DENND1B: variants seen among roughly 807,000 people sequenced by gnomAD.
DENND1B encodes DENN domain-containing protein 1B.
Under a neutral mutation model 90.1 loss-of-function variants are expected in DENND1B, and 59 were observed. That is an observed-to-expected ratio of 0.65 (90% CI 0.53 to 0.81). DENND1B has a LOEUF of 0.81. Among genes scored for constraint, DENND1B ranks in the 40% least tolerant of loss-of-function variants. DENND1B has a pLI of 0.00. For synonymous variants in DENND1B, 337 were observed against 324.6 expected, an observed-to-expected ratio of 1.04 and a Z score of -0.41; for missense variants, 862 against 912.6, an observed-to-expected ratio of 0.94 and a Z score of 0.71.
At chr1:197,747,306 G>C in intron 2 of DENND1B, 1 of 595,496 alleles carries the variant, frequency 1.7e-6, no homozygotes, top group Non-Finnish European at 3.1e-6. Flanking sequence ...CATCTATCGA[G>C]AATCTATGAT....
At chr1:197,569,590 ACACAC>A (rs1191305354) in intron 15 of DENND1B, among the ~76,000 whole-genome samples, 128 of 151,744 alleles carry the variant, frequency 8.4e-4, no homozygotes, top group African/African-American at 3.0e-3. Context: ...ACACACACAC[ACACAC>A]AATGGAACAC....
At chr1:197,614,646 CT>C (rs543331924) in intron 11 of DENND1B, among the ~76,000 whole-genome samples, 2 of 150,052 alleles carry the variant, frequency 1.3e-5, no homozygotes, top group Non-Finnish European at 3.0e-5. Context: ...TTAAGAATAG[CT>C]TTTTTTTTCT....
At chr1:197,629,151 AT>A (rs1679082955) in intron 10 of DENND1B, among the ~76,000 whole-genome samples, 1 of 152,148 alleles carries the variant, frequency 6.6e-6, no homozygotes, top group Non-Finnish European at 1.5e-5. Flanking sequence ...CAGAAATACC[AT>A]TTGACCCAGC....
intron 2 of DENND1B, among the ~76,000 whole-genome samples, chr1:197,752,861 C>T (rs1202176697): frequency 6.6e-6 from 1 of 151,946 alleles, no homozygotes; most frequent in East Asian, 1.9e-4. Context: ...GTTCAGTTCA[C>T]TCTATGAGTG....
rs375299325 is a variant in DENND1B, at chr1:197,514,721, TG to T, written c.1516-1769del. Among the ~76,000 whole-genome samples the T allele has an allele frequency of 1.6e-3, 239 of 151,676 alleles. 2 individuals are homozygous for T. Among genetic ancestry groups the T allele is most frequent in the South Asian group, 1.4e-3 (7 of 4,828 alleles). ...ATGTTTGAAATTTTCAAAATAAAGTTGTTTTTTTTTAATGGCCCCATCTGTT... is the reference window on the plus strand; with the variant it reads ...ATGTTTGAAATTTTCAAAATAAAGTTTTTTTTTTTAATGGCCCCATCTGTT... On this transcript the variant is annotated intron_variant, in intron 20 of 22. Transcript: ENST00000620048.
At chr1:197,770,487 G>A (rs1656292303) in intron 2 of DENND1B, among the ~76,000 whole-genome samples, 1 of 151,680 alleles carries the variant, frequency 6.6e-6, no homozygotes, top group South Asian at 2.1e-4. Context: ...TCTGACACAT[G>A]CATAGATTGG....
At chr1:197,537,043 A>AG (rs1669963716) in intron 20 of DENND1B, among the ~76,000 whole-genome samples, 1 of 113,814 alleles carries the variant, frequency 8.8e-6, no homozygotes, top group Admixed American at 9.2e-5. Flanking sequence ...TCCGTCTCAG[A>AG]GAAAAAAAAA....
At chr1:197,674,028 G>A in intron 4 of DENND1B, 92 bp downstream of exon 4, 1 of 890,824 alleles carries the variant, frequency 1.1e-6, no homozygotes. Flanking sequence ...TAAAGAGAAG[G>A]GACATTTTAT....
chr1:197,746,959 C>T (rs1222899749), intron 2 of DENND1B: 6 of 1,183,226 alleles, frequency 5.1e-6, no homozygotes, highest in Non-Finnish European at 7.6e-6. Context: ...CTCAATATTC[C>T]ACCCCTCCAC....
intron 12 of DENND1B, among the ~76,000 whole-genome samples, chr1:197,608,587 T>G (rs1381457028): frequency 1.3e-5 from 2 of 150,682 alleles, no homozygotes; most frequent in Non-Finnish European, 3.0e-5. Flanking sequence ...AAACATGTCA[T>G]AATTTTGATT....
At chr1:197,588,026 G>A (rs930078679) in intron 14 of DENND1B, among the ~76,000 whole-genome samples, 4 of 152,084 alleles carry the variant, frequency 2.6e-5, no homozygotes, top group South Asian at 2.1e-4. Context: ...TGAGCCATGG[G>A]GAGCGGCTGT....
intron 7 of DENND1B, among the ~76,000 whole-genome samples, chr1:197,647,903 C>T (rs951561614): frequency 6.7e-6 from 1 of 148,694 alleles, no homozygotes; most frequent in African/African-American, 2.5e-5. Flanking sequence ...GCTGAGATCA[C>T]GCCATTGTTT....
intron 18 of DENND1B, among the ~76,000 whole-genome samples, chr1:197,543,116 A>T (rs1571808708): frequency 6.6e-6 from 1 of 151,864 alleles, no homozygotes; most frequent in Non-Finnish European, 1.5e-5. Context: ...TGTATTTTCA[A>T]TAGAGATGGG....
intron 3 of DENND1B, among the ~76,000 whole-genome samples, chr1:197,701,361 T>C (rs1056385398): frequency 8.5e-5 from 13 of 152,124 alleles, no homozygotes; most frequent in African/African-American, 3.1e-4. Context: ...TTCTCACTTA[T>C]AAGTGGGAGT....
chr1:197,515,810 T>C (rs1668355414), intron 20 of DENND1B, among the ~76,000 whole-genome samples: 1 of 151,744 alleles, frequency 6.6e-6, no homozygotes, highest in South Asian at 2.1e-4. Flanking sequence ...AAGAGAAGTA[T>C]ATAATTTGCC....
intron 15 of DENND1B, among the ~76,000 whole-genome samples, chr1:197,560,661 C>T (rs1672086177): frequency 6.6e-6 from 1 of 151,724 alleles, no homozygotes; most frequent in African/African-American, 2.4e-5. Context: ...TGGCAGGCTC[C>T]ATGTATCAGG....
chr1:197,767,323 T>G (rs543381832), intron 2 of DENND1B, among the ~76,000 whole-genome samples: 6 of 152,088 alleles, frequency 3.9e-5, no homozygotes, highest in African/African-American at 1.2e-4. Context: ...TAGAGTCTAG[T>G]GTAGATAGTA....
At chr1:197,643,602 G>A (rs1371440877) in intron 9 of DENND1B, among the ~76,000 whole-genome samples, 2 of 152,172 alleles carry the variant, frequency 1.3e-5, no homozygotes. Flanking sequence ...GACACAGCAT[G>A]CACAACGTAC....
chr1:197,714,503 G>T (rs1299124321), intron 3 of DENND1B, among the ~76,000 whole-genome samples: 1 of 152,004 alleles, frequency 6.6e-6, no homozygotes, highest in Non-Finnish European at 1.5e-5. Context: ...AATTCATCCA[G>T]TAGTCTTGCA....
Sources: allele counts gnomAD v4.1 joint callset (sites outside exome capture counted in the v4.1 genomes callset), GRCh38; gene constraint gnomAD v4.1.1; transcripts MANE v1.5; gene names NCBI Gene and HGNC (gene_info 2026-07-23, HGNC 2026-07-21).